The following PAPPA2 variants were observed in gnomAD, a reference collection of about 807,000 sequenced individuals.
PAPPA2 encodes the protein pappalysin-2.
In PAPPA2, 86 loss-of-function variants were observed where a neutral mutation model predicts 176.4. The observed-to-expected ratio is 0.49, with a 90% CI of 0.41 to 0.58. PAPPA2 has a LOEUF of 0.58. Among genes scored for constraint, PAPPA2 ranks in the 20% least tolerant of loss-of-function variants. The pLI is 0.00. For missense variants in PAPPA2, 2,073 were observed against 2,256.9 expected, an observed-to-expected ratio of 0.92 and a Z score of 1.65; for synonymous variants, 809 against 852.2, an observed-to-expected ratio of 0.95 and a Z score of 0.88.
intron 2 of PAPPA2, among the ~76,000 whole-genome samples, chr1:176,563,925 G>A (rs1478462218): frequency 6.6e-6 from 1 of 152,152 alleles, no homozygotes; most frequent in African/African-American, 2.4e-5. Flanking sequence ...GGCCTTGCAG[G>A]AAATTCCTTA....
At chr1:176,716,832 C>T (rs916635415) in intron 12 of PAPPA2, among the ~76,000 whole-genome samples, 4 of 151,172 alleles carry the variant, frequency 2.6e-5, no homozygotes, top group Non-Finnish European at 5.9e-5. Context: ...AGGATGGTCT[C>T]GATCTCCTGA....
intron 3 of PAPPA2, among the ~76,000 whole-genome samples, chr1:176,624,528 A>G (rs1033525530): frequency 1.4e-4 from 21 of 152,006 alleles, no homozygotes; most frequent in Admixed American, 1.2e-3. Flanking sequence ...ACCTTTCTTC[A>G]TTTTCCTCTT....
intron 1 of PAPPA2, among the ~76,000 whole-genome samples, chr1:176,546,943 A>G (rs1650671325): frequency 6.6e-6 from 1 of 152,190 alleles, no homozygotes; most frequent in Admixed American, 6.6e-5. Flanking sequence ...AAATGGTGTC[A>G]TTGAAATGAT....
rs142856057 is a variant in PAPPA2, at chr1:176,692,116, G to A, written c.2432-10G>A. On this transcript the variant is annotated splice_polypyrimidine_tract_variant and intron_variant, in intron 5 of 22. Transcript: ENST00000367662. The stretch of plus-strand genomic sequence containing the variant: ...CTCCATCTCTTGTGCCACCTTTTTT[G>A]TCTCCACAGATGATAACTGCACTGA... 165 of 1,593,730 alleles carry A rather than the reference G, an allele frequency of 1.0e-4. 1 individual carries two copies. In the African/African-American group the frequency reaches 2.0e-3, roughly 19 times the overall value.
chr1:176,764,665 G>C (rs759950595), intron 14 of PAPPA2, among the ~76,000 whole-genome samples: 7 of 149,344 alleles, frequency 4.7e-5, no homozygotes, highest in African/African-American at 1.2e-4. Flanking sequence ...GGCGAGATCT[G>C]GGCTCACTGC....
chr1:176,748,637 T>C (rs534273880), intron 14 of PAPPA2, among the ~76,000 whole-genome samples: 1 of 152,210 alleles, frequency 6.6e-6, no homozygotes, highest in Non-Finnish European at 1.5e-5. Flanking sequence ...CCACATTACA[T>C]TTGTCTCAAT....
chr1:176,747,054 A>C (rs1662943769), intron 14 of PAPPA2, among the ~76,000 whole-genome samples: 1 of 152,216 alleles, frequency 6.6e-6, no homozygotes, highest in Admixed American at 6.5e-5. Context: ...CAAAAGTAAG[A>C]CTGGAATCCA....
At chr1:176,707,305 C>T (rs1414986893) in intron 10 of PAPPA2, among the ~76,000 whole-genome samples, 2 of 152,156 alleles carry the variant, frequency 1.3e-5, no homozygotes, top group African/African-American at 4.8e-5. Context: ...ACAAATGTCC[C>T]TGCTCTCCAG....
At chr1:176,638,110 G>T (rs1403974659) in intron 3 of PAPPA2, among the ~76,000 whole-genome samples, 1 of 152,002 alleles carries the variant, frequency 6.6e-6, no homozygotes, top group East Asian at 1.9e-4. Context: ...ACAACATCAG[G>T]CATATTTATG....
intron 1 of PAPPA2, among the ~76,000 whole-genome samples, chr1:176,527,239 C>CTTT: frequency 6.6e-6 from 1 of 152,170 alleles, no homozygotes; most frequent in East Asian, 1.9e-4. Context: ...CCAGTGGATG[C>CTTT]CACCACAGCC....
At chr1:176,833,729 C>T (rs1667163692) in intron 21 of PAPPA2, among the ~76,000 whole-genome samples, 1 of 152,106 alleles carries the variant, frequency 6.6e-6, no homozygotes, top group Admixed American at 6.5e-5. Context: ...AAGTATGATA[C>T]ACCTCCAAAT....
intron 3 of PAPPA2, among the ~76,000 whole-genome samples, chr1:176,613,552 A>G (rs947149994): frequency 6.6e-5 from 10 of 152,176 alleles, no homozygotes; most frequent in Non-Finnish European, 1.3e-4. Flanking sequence ...CAGTTTCTGC[A>G]TTTCATTCCA....
intron 1 of PAPPA2, among the ~76,000 whole-genome samples, chr1:176,468,590 A>C (rs1651734547): frequency 6.6e-6 from 1 of 152,184 alleles, no homozygotes; most frequent in Non-Finnish European, 1.5e-5. Context: ...CAGGGGGTTC[A>C]GAGGCAGGTG....
intron 1 of PAPPA2, among the ~76,000 whole-genome samples, chr1:176,502,266 A>G (rs564220511): frequency 3.3e-5 from 5 of 152,296 alleles, no homozygotes; most frequent in Admixed American, 2.6e-4. Flanking sequence ...TTGCCCATAT[A>G]TCTTTAAACT....
chr1:176,669,235 G>C (rs1658846505), intron 3 of PAPPA2, among the ~76,000 whole-genome samples: 1 of 152,104 alleles, frequency 6.6e-6, no homozygotes, highest in South Asian at 2.1e-4. Context: ...TTGGTACCCT[G>C]AGCTGAGCCC....
chr1:176,488,939 C>T (rs542336630), intron 1 of PAPPA2, among the ~76,000 whole-genome samples: 1 of 152,270 alleles, frequency 6.6e-6, no homozygotes, highest in East Asian at 1.9e-4. Flanking sequence ...CACTAATGAA[C>T]TGTAAAACTC....
At position 176,557,112 on chromosome 1, in the gene PAPPA2, T is replaced by C. The variant is rs201151658; in HGVS notation, c.790T>C (p.Tyr264His). 1.3e-5 allele frequency: 21 copies of C among 1,613,872 alleles called. No individual in the cohort carries two copies. Among genetic ancestry groups the C allele is most frequent in the Non-Finnish European group, 1.7e-5 (20 of 1,179,990 alleles). The change falls in exon 2 of 23, where the codon TAC becomes CAC. Residue 264 changes from tyrosine (Y) to histidine (H), a missense_variant. By Grantham distance (83) the Tyr-to-His change is moderately conservative. Transcript: ENST00000367662. ...FNSQVGLPIL[Y>H]FSGRRERLLL... is the part of the protein sequence containing the mutation. ...CTCCCAAGTAGGACTGCCCATCTTA[T>C]ACTTCTCTGGGAGGCGGGAGCGGCT...
rs116482820 is a variant in PAPPA2, at chr1:176,569,003, T to C, written c.919+11762T>C. On this transcript the variant is annotated intron_variant, in intron 2 of 22. Coordinates refer to ENST00000367662, the MANE Select transcript of PAPPA2 (RefSeq NM_020318.3). ...GTCATATGAGACCCTACTTACCTTT[T>C]CAATCTCATCACTGACTCTACAATA... Among the ~76,000 whole-genome samples the C allele has an allele frequency of 5.4e-3, 819 of 152,274 alleles. 5 individuals are homozygous for C. Among genetic ancestry groups the C allele is most frequent in the African/African-American group, 0.019 (789 of 41,552 alleles).
intron 1 of PAPPA2, among the ~76,000 whole-genome samples, chr1:176,538,242 A>G (rs1650176237): frequency 6.6e-6 from 1 of 152,046 alleles, no homozygotes; most frequent in South Asian, 2.1e-4. Flanking sequence ...GTTGGGATGG[A>G]CCCCAGGACC....
Sources: gnomAD v4.1 joint callset for allele counts (sites outside exome capture counted in the v4.1 genomes callset) on GRCh38, gnomAD v4.1.1 for gene constraint, MANE v1.5 for transcripts, NCBI Gene and HGNC (gene_info 2026-07-23, HGNC 2026-07-21) for gene names.